The following RGS7 variants were observed in gnomAD, a reference collection of about 807,000 sequenced individuals.
The protein encoded by RGS7 is regulator of G-protein signaling 7.
Under a neutral mutation model 81.1 loss-of-function variants are expected in RGS7, and 27 were observed. That is an observed-to-expected ratio of 0.33 (90% CI 0.25 to 0.46). The LOEUF (loss-of-function observed/expected upper bound fraction) is 0.46. Ranked by LOEUF, RGS7 falls within the 20% of genes least tolerant of loss-of-function variation. The pLI, the probability that RGS7 is intolerant of heterozygous loss-of-function variation, is 1.00. For synonymous variants in RGS7, 208 were observed against 207.7 expected (o/e 1.00, Z -0.01); for missense variants, 396 against 607.4 (o/e 0.65, Z 3.66).
chr1:240,881,823 A>T (rs1666437464), intron 6 of RGS7, among the ~76,000 whole-genome samples: 1 of 152,164 alleles, frequency 6.6e-6, no homozygotes, highest in East Asian at 1.9e-4. Flanking sequence ...TAAGAGTAAG[A>T]GTTAACTACT....
intron 3 of RGS7, among the ~76,000 whole-genome samples, chr1:240,988,789 C>T (rs1201607533): frequency 1.3e-5 from 2 of 152,128 alleles, no homozygotes; most frequent in Non-Finnish European, 2.9e-5. Flanking sequence ...AATTAATGGC[C>T]GGTGTCCTAG....
chr1:241,194,794 T>A (rs2072942426), intron 2 of RGS7, among the ~76,000 whole-genome samples: 1 of 152,144 alleles, frequency 6.6e-6, no homozygotes, highest in African/African-American at 2.4e-5. Context: ...CCAAGAGATG[T>A]TCACCCCCCA....
chr1:240,863,114 C>G (rs1025141149), intron 9 of RGS7, among the ~76,000 whole-genome samples: 3 of 152,116 alleles, frequency 2.0e-5, no homozygotes, highest in Admixed American at 2.0e-4. Context: ...ACCATCATAC[C>G]TGGCTAATGT....
chr1:240,792,667 A>G (rs147340051), intron 18 of RGS7, among the ~76,000 whole-genome samples: 39 of 152,206 alleles, frequency 2.6e-4, no homozygotes, highest in Middle Eastern at 6.8e-3. Flanking sequence ...AGCTATCATG[A>G]TTTATATTAA....
rs60911948 is a variant in RGS7 at position 240,960,217 on chromosome 1, C to CTTCTTTTTTTTTTTTTTTT, written c.226+22861_226+22862insAAAAAAAAAAAAAAAAGAA. Among the ~76,000 whole-genome samples, 13 of 8,948 alleles carry CTTCTTTTTTTTTTTTTTTT rather than the reference C, an allele frequency of 1.5e-3. 2 individuals carry two copies. The highest frequency in any genetic ancestry group is 2.4e-3 in the Admixed American group (1 of 418). The allele number at this position is 8,948 out of a possible 152,430, so 5.9% of individuals were successfully genotyped here. Reference sequence around the variant, plus strand: ...TTTTCTTCTTCTTCCTCTTCTTCTTCTTTTTTTTTTTTTTTTTGTTGTTGT... The same window carrying CTTCTTTTTTTTTTTTTTTT: ...TTTTCTTCTTCTTCCTCTTCTTCTTCTTCTTTTTTTTTTTTTTTTTTTTTTTTTTTTTTTTTGTTGTTGT... On this transcript the variant is annotated intron_variant, in intron 4 of 18. Transcript: ENST00000440928.
intron 2 of RGS7, among the ~76,000 whole-genome samples, chr1:241,147,928 G>T (rs2068465603): frequency 6.7e-6 from 1 of 148,310 alleles, no homozygotes; most frequent in Non-Finnish European, 1.5e-5. Context: ...TATTAATTGA[G>T]TGGCTACTAT....
intron 3 of RGS7, among the ~76,000 whole-genome samples, chr1:241,083,004 C>T (rs2063223570): frequency 6.6e-6 from 1 of 152,080 alleles, no homozygotes; most frequent in East Asian, 1.9e-4. Flanking sequence ...GCACACGGGT[C>T]ACTTGAGGTC....
At chr1:241,343,730 G>A (rs748659757) in intron 2 of RGS7, among the ~76,000 whole-genome samples, 5 of 152,138 alleles carry the variant, frequency 3.3e-5, no homozygotes, top group Admixed American at 6.5e-5. Context: ...CAACAGGTGC[G>A]GAGTTTCAGA....
At position 240,863,807 on chromosome 1, in the gene RGS7, A is replaced by G. The variant is rs566812403; in HGVS notation, c.609+4780T>C. 1.1e-4 allele frequency among the ~76,000 whole-genome samples: 16 copies of G among 152,286 alleles called. 2 individuals are homozygous for G. The South Asian group carries it at 3.3e-3, about 32-fold the overall frequency. The stretch of plus-strand genomic sequence containing the variant: ...CAACAAGACACCTATAAATACAGCT[A>G]TTTTTTCAAAAGCAAAAGGACATAT... On this transcript the variant is annotated intron_variant, in intron 9 of 18. Transcript: ENST00000440928.
chr1:240,920,265 C>T (rs957279088), intron 6 of RGS7: 82 of 1,283,906 alleles, frequency 6.4e-5, no homozygotes, highest in Middle Eastern at 5.1e-4. Context: ...TGGTGGTGAT[C>T]GTGGTGGTGG....
intron 4 of RGS7, among the ~76,000 whole-genome samples, chr1:240,962,102 C>T (rs1681550533): frequency 6.6e-6 from 1 of 152,126 alleles, no homozygotes; most frequent in Non-Finnish European, 1.5e-5. Context: ...ACTCCCAACC[C>T]CTTCCTTAGC....
In RGS7 at chr1:240,965,973, T is replaced by C. The variant is rs550967504; in HGVS notation, c.226+17106A>G. On this transcript the variant is annotated intron_variant, in intron 4 of 18. Coordinates refer to ENST00000440928, the MANE Select transcript of RGS7 (RefSeq NM_001364886.1). The stretch of plus-strand genomic sequence containing the variant: ...AGGCAAGGCAGTGGAAATTTACCTA[T>C]TGTAGAGGGAGGAGGTGCTCTCTGT... 7.5e-4 allele frequency among the ~76,000 whole-genome samples: 114 copies of C among 152,136 alleles called. 1 individual carries two copies. The highest frequency in any genetic ancestry group is 2.6e-3 in the African/African-American group (107 of 41,496).
intron 2 of RGS7, among the ~76,000 whole-genome samples, chr1:241,159,414 A>C (rs2069446390): frequency 6.6e-6 from 1 of 152,040 alleles, no homozygotes; most frequent in Non-Finnish European, 1.5e-5. Context: ...CTTTTTGAAA[A>C]ACACCTACTT....
At chr1:240,992,818 G>A (rs1016076353) in intron 3 of RGS7, among the ~76,000 whole-genome samples, 4 of 149,560 alleles carry the variant, frequency 2.7e-5, no homozygotes, top group African/African-American at 9.9e-5. Context: ...ACCTGGCCAA[G>A]GTGCTGAAAC....
intron 9 of RGS7, among the ~76,000 whole-genome samples, chr1:240,848,884 G>T (rs779371061): frequency 5.9e-5 from 9 of 152,126 alleles, no homozygotes; most frequent in Non-Finnish European, 1.2e-4. Context: ...AACCTAAAAT[G>T]AAGAGCAACA....
chr1:241,295,207 G>A (rs1253111966), intron 2 of RGS7, among the ~76,000 whole-genome samples: 10 of 152,230 alleles, frequency 6.6e-5, no homozygotes, highest in Non-Finnish European at 1.0e-4. Flanking sequence ...CCAGCACTTT[G>A]GGAGGCCAAG....
intron 9 of RGS7, among the ~76,000 whole-genome samples, chr1:240,850,472 T>A (rs1659907196): frequency 6.6e-6 from 1 of 152,228 alleles, no homozygotes; most frequent in South Asian, 2.1e-4. Flanking sequence ...GTGATCTGAC[T>A]GCTGCATCTT....
At chr1:240,960,217 C>CTTCTTTTTTTTTT (rs60911948) in intron 4 of RGS7, among the ~76,000 whole-genome samples, 375 of 8,942 alleles carry the variant, frequency 0.042, 49 homozygotes, top group East Asian at 0.12. Flanking sequence ...TCTTCTTCTT[C>CTTCTTTTTTTTTT]TTTTTTTTTT....
intron 2 of RGS7, among the ~76,000 whole-genome samples, chr1:241,263,628 G>A (rs1299355936): frequency 2.0e-5 from 3 of 152,186 alleles, no homozygotes; most frequent in Admixed American, 1.3e-4. Context: ...AATGATAAAT[G>A]TATGAGGTGA....
Sources: gnomAD v4.1 joint callset for allele counts (sites outside exome capture counted in the v4.1 genomes callset) on GRCh38, gnomAD v4.1.1 for gene constraint, MANE v1.5 for transcripts, NCBI Gene and HGNC (gene_info 2026-07-23, HGNC 2026-07-21) for gene names.